The following MYH4 variants were observed in gnomAD, a reference collection of about 807,000 sequenced individuals.
MYH4 encodes the protein myosin heavy chain 4.
In MYH4, 200 loss-of-function variants were observed where a neutral mutation model predicts 229.9. That is an observed-to-expected ratio of 0.87 (90% CI 0.78 to 0.98). The LOEUF is 0.98. Among genes scored for constraint, MYH4 ranks in the 50% least tolerant of loss-of-function variants. The pLI is 0.00. For missense variants in MYH4, 2,148 were observed against 2,332.6 expected, an observed-to-expected ratio of 0.92 and a Z score of 1.63; for synonymous variants, 761 against 834.6, an observed-to-expected ratio of 0.91 and a Z score of 1.52.
chr17:10,449,926 C>T (rs188874264), intron 30 of MYH4, among the ~76,000 whole-genome samples: 6 of 151,950 alleles, frequency 3.9e-5, no homozygotes, highest in African/African-American at 1.4e-4. Flanking sequence ...TGCTTTTTTT[C>T]CTTCTATGTG....
chr17:10,461,747 G>A (rs2072705972), intron 11 of MYH4, among the ~76,000 whole-genome samples: 1 of 152,044 alleles, frequency 6.6e-6, no homozygotes, highest in Non-Finnish European at 1.5e-5. Context: ...TTTCTCTATC[G>A]AATTTTGATT....
At chr17:10,464,384 A>T in intron 7 of MYH4, 88 bp downstream of exon 7, 2 of 1,138,448 alleles carry the variant, frequency 1.8e-6, no homozygotes, top group South Asian at 3.0e-5. Context: ...TATACGTACT[A>T]CATTTTCTGT....
rs1466498546 is a variant in MYH4 at position 10,466,383 on chromosome 17, TG to T, written c.237del (p.Met80Ter). ...TVTVKEDQVF[S>X]MNPPKYDKIE... ...ATCTTGTCATATTTGGGAGGGTTCA[TG>T]GAGAAGACTTGGTCTTCTTTCACAG... On this transcript the variant is annotated frameshift_variant, in exon 4 of 40. Transcript: ENST00000255381. LOFTEE classifies it high-confidence loss of function. 3 of 1,614,142 alleles carry T rather than the reference TG, an allele frequency of 1.9e-6. No homozygotes were observed. Among genetic ancestry groups the T allele is most frequent in the Admixed American group, 1.7e-5 (1 of 60,016 alleles).
intron 33 of MYH4, 32 bp from the exon 34 acceptor site, chr17:10,448,158 T>G (rs1050688098): frequency 6.4e-7 from 1 of 1,553,042 alleles, no homozygotes; most frequent in Non-Finnish European, 8.7e-7. Flanking sequence ...TTAGGTTACC[T>G]AAAGAGCTTT....
rs760640626 is a variant in MYH4, at chr17:10,455,035, G to T, written c.2341C>A (p.Arg781=). The change falls in exon 21 of 40, where the codon CGA becomes AGA. Residue 781 remains arginine (R), a synonymous_variant. Transcript: ENST00000255381. The stretch of plus-strand genomic sequence containing the variant: ...ATGAGTTGAGCTAGCTTTTCATCTC[G>T]CATTTCCTCTAGAGTTCCCAGCAGG... ...AGLLGTLEEM[R]DEKLAQLITR... 1.9e-6 allele frequency: 3 copies of T among 1,614,130 alleles called. No individual in the cohort carries two copies. Among genetic ancestry groups the T allele is most frequent in the South Asian group, 2.2e-5 (2 of 91,078 alleles).
chr17:10,467,933 C>T (rs1042376468), intron 2 of MYH4, among the ~76,000 whole-genome samples: 1 of 152,206 alleles, frequency 6.6e-6, no homozygotes, highest in Non-Finnish European at 1.5e-5. Context: ...ATGGCGACAA[C>T]AGCAATAGCC....
At chr17:10,469,494 T>A (rs1428109488) in intron 1 of MYH4, 43 bp downstream of exon 1, 3 of 152,146 alleles carry the variant, frequency 2.0e-5, no homozygotes, top group African/African-American at 4.8e-5. Flanking sequence ...AAAATCATCA[T>A]CATCAGGAAT....
chr17:10,460,335 G>A lies in MYH4; in HGVS notation c.1148-14C>T. Reference sequence around the variant, plus strand: ...CTTTGTCAGCAACTGTGTGAACAAGGTGAGAATGGTGAAACTGACCATGGC... The same window carrying A: ...CTTTGTCAGCAACTGTGTGAACAAGATGAGAATGGTGAAACTGACCATGGC... On this transcript the variant is annotated splice_polypyrimidine_tract_variant and intron_variant, in intron 12 of 39. Coordinates refer to ENST00000255381, the MANE Select transcript of MYH4 (RefSeq NM_017533.2). 2 of 1,549,324 alleles carry A rather than the reference G, an allele frequency of 1.3e-6. No individual in the cohort carries two copies. The highest frequency in any genetic ancestry group is 1.8e-6 in the Non-Finnish European group (2 of 1,128,100).
Position 10,460,309 on chromosome 17 carries a change from G to A in MYH4, c.1160C>T (p.Ala387Val). ...EPDGTEVADK[A>V]AYLTSLNSAD... The stretch of plus-strand genomic sequence containing the variant: ...AGAGTTCAGACTTGTCAGATAAGCA[G>A]CTTTGTCAGCAACTGTGTGAACAAG... Residue 387 changes from alanine to valine, a missense_variant, in exon 13 of 40, where the codon GCT becomes GTT. Physicochemically the swap from Ala to Val is moderately conservative, Grantham distance 64 (BLOSUM62 0). Transcript: ENST00000255381. 1 of 1,605,280 alleles carries A rather than the reference G, an allele frequency of 6.2e-7. No homozygotes were observed. Among genetic ancestry groups the A allele is most frequent in the Non-Finnish European group, 8.5e-7 (1 of 1,172,804 alleles).
intron 2 of MYH4, 22 bp downstream of exon 2, chr17:10,469,266 T>A (rs2072797986): frequency 6.6e-6 from 1 of 152,184 alleles, no homozygotes; most frequent in East Asian, 1.9e-4. Context: ...TTCTTTAGAG[T>A]GTAATAATAA....
intron 2 of MYH4, among the ~76,000 whole-genome samples, 172 bp downstream of exon 2, chr17:10,469,116 T>C (rs2072796246): frequency 6.6e-6 from 1 of 152,192 alleles, no homozygotes; most frequent in African/African-American, 2.4e-5. Flanking sequence ...TTAAGTTTTG[T>C]TTGATTAAGT....
At position 10,448,305 on chromosome 17, in the gene MYH4, T is replaced by C. The variant is rs138620811; in HGVS notation, c.4656+91A>G. 159 of 1,426,244 alleles carry C rather than the reference T, an allele frequency of 1.1e-4. 1 individual carries two copies. In the African/African-American group the frequency reaches 1.8e-3, roughly 16 times the overall value. The allele number at this position is 1,426,244 out of a possible 1,614,324, so 88.3% of individuals were successfully genotyped here. A position where few individuals can be genotyped will look rare whatever the true frequency, so the allele number is the denominator to read the frequency against. On this transcript the variant is annotated intron_variant, in intron 33 of 39. Coordinates refer to ENST00000255381, the MANE Select transcript of MYH4 (RefSeq NM_017533.2). Reference sequence around the variant, plus strand: ...ATTTTTCACTGAATTACTTGTGTTATTCCCTAAAGATTTGCAACATGATAG... The same window carrying C: ...ATTTTTCACTGAATTACTTGTGTTACTCCCTAAAGATTTGCAACATGATAG...
At chr17:10,444,433 T>C (rs2072487940) in intron 39 of MYH4, among the ~76,000 whole-genome samples, 171 bp downstream of exon 39, 1 of 152,152 alleles carries the variant, frequency 6.6e-6, no homozygotes, top group African/African-American at 2.4e-5. Context: ...TAAACTCAAA[T>C]CTATAAGGCT....
At chr17:10,451,198 T>C in intron 28 of MYH4, 128 bp downstream of exon 28, 1 of 1,223,540 alleles carries the variant, frequency 8.2e-7, no homozygotes, top group East Asian at 2.4e-5. Flanking sequence ...AATAAAAAGA[T>C]GGAGGAATAA....
rs187216510 is a variant in MYH4, at chr17:10,448,542, T to C, written c.4532-22A>G. On this transcript the variant is annotated intron_variant, in intron 32 of 39. Transcript: ENST00000255381. ...TCCTCTGTAATAATAAAGTACCAAATTTCAGTTAAGTAGAAAGAAAAATTG... is the reference window on the plus strand; with the variant it reads ...TCCTCTGTAATAATAAAGTACCAAACTTCAGTTAAGTAGAAAGAAAAATTG... 40 of 1,610,956 alleles carry C rather than the reference T, an allele frequency of 2.5e-5. No individual in the cohort carries two copies. In the African/African-American group the frequency reaches 4.2e-4, roughly 17 times the overall value.
At chr17:10,448,554 A>G (rs2072538007) in intron 32 of MYH4, 34 bp from the exon 33 acceptor site, 4 of 1,610,142 alleles carry the variant, frequency 2.5e-6, no homozygotes, top group Non-Finnish European at 3.4e-6. Context: ...TCAGTTAAGT[A>G]GAAAGAAAAA....
At chr17:10,456,422 T>C in intron 17 of MYH4, 63 bp downstream of exon 17, 3 of 1,364,928 alleles carry the variant, frequency 2.2e-6, no homozygotes, top group Non-Finnish European at 3.1e-6. Context: ...TAAAAAATTT[T>C]CTGTTTTGAT....
chr17:10,452,246 G>A lies in MYH4; in HGVS notation c.3433C>T (p.Arg1145Trp), dbSNP rs975567940. The A allele has an allele frequency of 5.0e-6, 8 of 1,613,762 alleles. No homozygotes were observed. The highest frequency in any genetic ancestry group is 1.7e-4 in the Middle Eastern group (1 of 5,956). The change falls in exon 27 of 40, where the codon CGG becomes TGG. Residue 1145 changes from arginine (R) to tryptophan (W), a missense_variant. Transcript: ENST00000255381. Reference sequence around the variant, plus strand: ...CTCTCACTGATCTCCTCCAGCTCCCGGGAGAGGTCAGAGCGCTGCTTCTCT... The same window carrying A: ...CTCTCACTGATCTCCTCCAGCTCCCAGGAGAGGTCAGAGCGCTGCTTCTCT... Reference protein sequence around the residue: ...KAEKQRSDLSRELEEISERLE... With the variant: ...KAEKQRSDLSWELEEISERLE...
At position 10,469,334 on chromosome 17, in the gene MYH4, C is replaced by A. The variant is rs1255089744; in HGVS notation, c.-86G>T. 1 of 152,214 alleles carries A rather than the reference C, an allele frequency of 6.6e-6. No individual in the cohort carries two copies. Among genetic ancestry groups the A allele is most frequent in the Non-Finnish European group, 1.5e-5 (1 of 67,992 alleles). 9.4% of individuals were successfully genotyped at this position (152,214 alleles called of 1,614,324 possible). Reference sequence around the variant, plus strand: ...AAGGTGGCAGGCTCAAAGCAGACAACTACTGTTGAAAGAAAAAAGAGAATG... The same window carrying A: ...AAGGTGGCAGGCTCAAAGCAGACAAATACTGTTGAAAGAAAAAAGAGAATG... On this transcript the variant is annotated splice_region_variant and 5_prime_UTR_variant, in exon 2 of 40. Transcript: ENST00000255381.
Sources: gnomAD v4.1 joint callset for allele counts (sites outside exome capture counted in the v4.1 genomes callset) on GRCh38, gnomAD v4.1.1 for gene constraint, MANE v1.5 for transcripts, NCBI Gene and HGNC (gene_info 2026-07-23, HGNC 2026-07-21) for gene names.